Variants in SIK2 observed in about 807,000 individuals in gnomAD.
SIK2 encodes serine/threonine-protein kinase SIK2.
In SIK2, 29 loss-of-function variants were observed where a neutral mutation model predicts 103.2. That is an observed-to-expected ratio of 0.28 (90% confidence interval 0.21 to 0.38). The LOEUF (loss-of-function observed/expected upper bound fraction) is 0.38, where lower values mean the gene tolerates loss of function less well. SIK2 is among the 10% of genes least tolerant of loss of function. SIK2 has a pLI of 1.00. For synonymous variants in SIK2, 412 were observed against 446.1 expected (o/e 0.92, Z 0.96); for missense variants, 879 against 1,171.0 (o/e 0.75, Z 3.64).
chr11:111,676,224 A>G (rs1160500902), intron 3 of SIK2, among the ~76,000 whole-genome samples: 1 of 152,230 alleles, frequency 6.6e-6, no homozygotes, highest in Non-Finnish European at 1.5e-5. Context: ...ATGAATATAC[A>G]CATGCATATG....
In SIK2 at chr11:111,726,696, C is replaced by T. The variant is rs1263877459; in HGVS notation, c.*2567C>T. ...CCCATGGAAGCTTCCAAGCAGTTTTCTCTTCATCACTACTAACAAACAAAA... is the reference window on the plus strand; with the variant it reads ...CCCATGGAAGCTTCCAAGCAGTTTTTTCTTCATCACTACTAACAAACAAAA... On this transcript the variant is annotated 3_prime_UTR_variant, in exon 15 of 15. Transcript: ENST00000304987. The T allele has an allele frequency of 2.1e-6, 1 of 467,940 alleles. No homozygotes were observed. Among genetic ancestry groups the T allele is most frequent in the Non-Finnish European group, 3.9e-6 (1 of 257,702 alleles). 29.0% of individuals were successfully genotyped at this position (467,940 alleles called of 1,614,324 possible).
intron 3 of SIK2, among the ~76,000 whole-genome samples, chr11:111,649,243 A>G (rs1942297666): frequency 6.6e-6 from 1 of 152,076 alleles, no homozygotes; most frequent in Admixed American, 6.6e-5. Context: ...GTATCTCTCT[A>G]TACTCTGACT....
Position 111,649,734 on chromosome 11 carries a change from A to G in SIK2, c.316+29332A>G, listed in dbSNP as rs766456911. Among the ~76,000 whole-genome samples the G allele has an allele frequency of 1.1e-4, 16 of 152,152 alleles. 1 individual carries two copies. Among genetic ancestry groups the G allele is most frequent in the Non-Finnish European group, 2.2e-4 (15 of 67,982 alleles). ...AGTCTGTACTTCTGTTATTGTGCTA[A>G]TACAGAGTCTCTGTGATGGCATAGG... On this transcript the variant is annotated intron_variant, in intron 3 of 14. Coordinates refer to ENST00000304987, the MANE Select transcript of SIK2 (RefSeq NM_015191.3).
At chr11:111,723,005 A>T (rs1398122059) in intron 14 of SIK2, among the ~76,000 whole-genome samples, 6 of 152,136 alleles carry the variant, frequency 3.9e-5, no homozygotes, top group Non-Finnish European at 8.8e-5. Context: ...TCTTTGGGGT[A>T]TGACTAGCTC....
intron 3 of SIK2, among the ~76,000 whole-genome samples, chr11:111,673,967 G>A (rs1009709998): frequency 2.0e-5 from 3 of 151,856 alleles, no homozygotes; most frequent in Non-Finnish European, 2.9e-5. Flanking sequence ...CCAGCTACTC[G>A]GGAGGCTGAG....
At chr11:111,666,943 T>TTTTA (rs57641391) in intron 3 of SIK2, among the ~76,000 whole-genome samples, 4,885 of 145,404 alleles carry the variant, frequency 0.034, 282 homozygotes, top group African/African-American at 0.12. Context: ...TTTTATTTTA[T>TTTTA]TTTATTTATT....
At chr11:111,703,060 G>A (rs1251975716) in intron 6 of SIK2, 143 bp from the exon 7 acceptor site, 1 of 662,962 alleles carries the variant, frequency 1.5e-6, no homozygotes, top group African/African-American at 1.8e-5. Context: ...TAGCCTGCAT[G>A]TGTTCATTTA....
intron 4 of SIK2, among the ~76,000 whole-genome samples, chr11:111,690,075 T>A (rs1942908897): frequency 1.3e-5 from 2 of 152,098 alleles, no homozygotes; most frequent in Non-Finnish European, 2.9e-5. Flanking sequence ...TGCACAAAAT[T>A]AGAATACTTT....
intron 9 of SIK2, among the ~76,000 whole-genome samples, chr11:111,714,973 G>A (rs547221618): frequency 1.3e-5 from 2 of 152,220 alleles, no homozygotes; most frequent in Non-Finnish European, 2.9e-5. Context: ...TTGTCTGTGA[G>A]GGCATCAGGC....
intron 3 of SIK2, among the ~76,000 whole-genome samples, chr11:111,633,719 AT>A (rs953871636): frequency 6.6e-6 from 1 of 152,190 alleles, no homozygotes; most frequent in Non-Finnish European, 1.5e-5. Context: ...TTTTCAGAAT[AT>A]AATGGTAAAT....
chr11:111,605,255 G>A (rs1941634884), intron 1 of SIK2, among the ~76,000 whole-genome samples: 2 of 152,154 alleles, frequency 1.3e-5, no homozygotes, highest in African/African-American at 2.4e-5. Flanking sequence ...GAGCCACCGC[G>A]CCTGGCCCAA....
At position 111,688,625 on chromosome 11, in the gene SIK2, C is replaced by T. The variant is rs897886439; in HGVS notation, c.478+463C>T. ...AAAAGCACCTTTCCTTGATCTGATA[C>T]GATAGGGTTTTGATTTATAACATGA... On this transcript the variant is annotated intron_variant, in intron 4 of 14. Coordinates refer to ENST00000304987, the MANE Select transcript of SIK2 (RefSeq NM_015191.3). The surrounding 1 kb of genome is among the most constrained non-coding windows in gnomAD (Gnocchi z 4.2). Among the ~76,000 whole-genome samples the T allele has an allele frequency of 1.1e-4, 16 of 152,126 alleles. No homozygotes were observed. The highest frequency in any genetic ancestry group is 7.9e-4 in the Admixed American group (12 of 15,272).
intron 3 of SIK2, among the ~76,000 whole-genome samples, chr11:111,633,150 TCTGCCTATTGAAATA>T (rs1160133298): frequency 2.0e-5 from 3 of 152,226 alleles, no homozygotes; most frequent in South Asian, 4.1e-4. Context: ...CCCTTTGCTC[TCTGCCTATTGAAATA>T]CTGCCTATTT....
chr11:111,605,107 C>T (rs1941632628), intron 1 of SIK2, among the ~76,000 whole-genome samples: 1 of 151,990 alleles, frequency 6.6e-6, no homozygotes, highest in Non-Finnish European at 1.5e-5. Flanking sequence ...GGATTACAGG[C>T]GCTCACCACC....
chr11:111,605,086 C>A (rs958879056), intron 1 of SIK2, among the ~76,000 whole-genome samples: 3 of 152,024 alleles, frequency 2.0e-5, no homozygotes, highest in African/African-American at 7.2e-5. Flanking sequence ...CCTCACCCTC[C>A]CAAGTAGCTG....
Position 111,722,799 on chromosome 11 carries a change from G to T in SIK2, c.2147+43G>T, listed in dbSNP as rs1943842520. The T allele has an allele frequency of 1.9e-6, 3 of 1,569,704 alleles. No homozygotes were observed. The highest frequency in any genetic ancestry group is 3.4e-5 in the Admixed American group (2 of 58,226). Reference sequence around the variant, plus strand: ...GCCAAAGAAGTTGCTTCCTTTTCTGGAAGCCTTGAGAACACTGAATGTGTT... The same window carrying T: ...GCCAAAGAAGTTGCTTCCTTTTCTGTAAGCCTTGAGAACACTGAATGTGTT... On this transcript the variant is annotated intron_variant, in intron 14 of 14. Transcript: ENST00000304987. The surrounding 1 kb of genome is among the most constrained non-coding windows in gnomAD (Gnocchi z 4.4).
At chr11:111,721,239 A>G (rs1359969173) in intron 12 of SIK2, among the ~76,000 whole-genome samples, 177 bp downstream of exon 12, 1 of 152,202 alleles carries the variant, frequency 6.6e-6, no homozygotes, top group Admixed American at 6.5e-5. Flanking sequence ...GGTTCAACCC[A>G]TCCACGCTGC....
At chr11:111,698,727 A>G (rs1943139474) in intron 4 of SIK2, among the ~76,000 whole-genome samples, 1 of 152,214 alleles carries the variant, frequency 6.6e-6, no homozygotes, top group Non-Finnish European at 1.5e-5. Flanking sequence ...GAAAAGAAAG[A>G]AAGAAAAACA....
intron 3 of SIK2, among the ~76,000 whole-genome samples, chr11:111,684,636 A>G (rs147031754): frequency 5.9e-5 from 9 of 152,358 alleles, no homozygotes; most frequent in Non-Finnish European, 4.4e-5. Flanking sequence ...GTCCGTATTT[A>G]TAGTGGACTT....
Sources: allele counts gnomAD v4.1 joint callset (sites outside exome capture counted in the v4.1 genomes callset), GRCh38; gene constraint gnomAD v4.1.1; non-coding constraint Gnocchi (gnomAD v3.1); transcripts MANE v1.5; gene names NCBI Gene and HGNC (gene_info 2026-07-23, HGNC 2026-07-21).